GPR63: variants seen among roughly 807,000 people sequenced by gnomAD.
GPR63 encodes probable G protein-coupled receptor 63.
A neutral mutation model predicts 23.1 loss-of-function variants in GPR63; 12 were observed. The ratio of observed to expected loss-of-function variants is 0.52; its 90% CI spans 0.33 to 0.84. The LOEUF (loss-of-function observed/expected upper bound fraction) is 0.84, where lower values mean the gene tolerates loss of function less well. GPR63 is among the 40% of genes least tolerant of loss of function. The pLI is 0.02. For missense variants in GPR63, 472 were observed against 515.6 expected (o/e 0.92, Z 0.82); for synonymous variants, 172 against 191.1 (o/e 0.90, Z 0.82).
In GPR63 at chr6:96,799,347, A is replaced by C; in HGVS notation, c.385T>G (p.Leu129Val). ...AAGGGCATGTTCAGCACTGCAAGCAACATGTCTGCAAAAGCTAGGCTGGCA... is the reference window on the plus strand; with the variant it reads ...AAGGGCATGTTCAGCACTGCAAGCACCATGTCTGCAAAAGCTAGGCTGGCA... ...LLASLAFADM[L>V]LAVLNMPFAL... The change falls in exon 2 of 2, where the codon TTG (leucine) becomes GTG (valine). Residue 129 changes from leucine (L) to valine (V), a missense_variant. By Grantham distance (32) the Leu-to-Val change is conservative. Transcript: ENST00000229955. 7 of 1,614,214 alleles carry C rather than the reference A, an allele frequency of 4.3e-6. No homozygotes were observed. The highest frequency in any genetic ancestry group is 5.9e-6 in the Non-Finnish European group (7 of 1,180,016).
At chr6:96,831,965 C>A (rs1484119680) in intron 1 of GPR63, among the ~76,000 whole-genome samples, 1 of 151,474 alleles carries the variant, frequency 6.6e-6, no homozygotes, top group African/African-American at 2.4e-5. Flanking sequence ...GTAAGATAGT[C>A]ATTACTGTAC....
At position 96,794,806 on chromosome 6, in the gene GPR63, A is replaced by G. The variant is rs753622429; in HGVS notation, c.*3666T>C. ...TCAATTAAGTCACCCATTTTGCTCT[A>G]CTGTGAAGCTATATGCTTTATCAGA... On this transcript the variant is annotated 3_prime_UTR_variant, in exon 2 of 2. Transcript: ENST00000229955. The G allele has an allele frequency of 2.6e-5, 4 of 152,156 alleles. No individual in the cohort carries two copies. Among genetic ancestry groups the G allele is most frequent in the Non-Finnish European group, 5.9e-5 (4 of 68,024 alleles). 9.4% of individuals were successfully genotyped at this position (152,156 alleles called of 1,614,324 possible).
At position 96,797,384 on chromosome 6, in the gene GPR63, CTT is replaced by C. The variant is rs1773617234; in HGVS notation, c.*1086_*1087del. 1 of 152,162 alleles carries C rather than the reference CTT, an allele frequency of 6.6e-6. No individual in the cohort carries two copies. Among genetic ancestry groups the C allele is most frequent in the South Asian group, 2.1e-4 (1 of 4,836 alleles). 9.4% of individuals were successfully genotyped at this position (152,162 alleles called of 1,614,324 possible). Reference sequence around the variant, plus strand: ...AATTAAAGGATGCATAGAGTTCCCTCTTGACTATGTGACATCTAAACTGAATG... The same window carrying C: ...AATTAAAGGATGCATAGAGTTCCCTCGACTATGTGACATCTAAACTGAATG... On this transcript the variant is annotated 3_prime_UTR_variant, in exon 2 of 2. Coordinates refer to ENST00000229955, the MANE Select transcript of GPR63 (RefSeq NM_030784.4).
At position 96,798,595 on chromosome 6, in the gene GPR63, A is replaced by G. The variant is rs143805425; in HGVS notation, c.1137T>C (p.His379=). The stretch of plus-strand genomic sequence containing the variant: ...TAGGCATCATGTCCAGGCAAGCATC[A>G]TGGAATTTCTTAATCCTCCAGTAGT... ...LIYYWRIKKF[H]DACLDMMPKS... is the part of the protein sequence containing the mutation. Residue 379 remains histidine, a synonymous_variant, in exon 2 of 2, where the codon CAT becomes CAC. Coordinates refer to ENST00000229955, the MANE Select transcript of GPR63 (RefSeq NM_030784.4). The G allele has an allele frequency of 2.2e-3, 3,494 of 1,614,192 alleles. 13 individuals carry two copies. Among genetic ancestry groups the G allele is most frequent in the Non-Finnish European group, 2.1e-3 (2,496 of 1,180,032 alleles).
intron 1 of GPR63, among the ~76,000 whole-genome samples, chr6:96,807,799 T>C (rs1490061267): frequency 6.6e-6 from 1 of 152,206 alleles, no homozygotes; most frequent in Non-Finnish European, 1.5e-5. Context: ...TGTTAGGAAG[T>C]ATAATATCAA....
intron 1 of GPR63, among the ~76,000 whole-genome samples, chr6:96,819,324 G>A (rs1048659382): frequency 9.2e-5 from 14 of 152,180 alleles, no homozygotes; most frequent in African/African-American, 3.1e-4. Context: ...ATACACCATG[G>A]AATACTATGC....
At chr6:96,802,635 G>A (rs1414781268) in intron 1 of GPR63, among the ~76,000 whole-genome samples, 2 of 150,760 alleles carry the variant, frequency 1.3e-5, no homozygotes, top group African/African-American at 2.4e-5. Flanking sequence ...CACCTCCTGG[G>A]TTCACGTCAT....
intron 1 of GPR63, among the ~76,000 whole-genome samples, chr6:96,827,069 A>T (rs1774458666): frequency 6.6e-6 from 1 of 151,630 alleles, no homozygotes. Context: ...AAACCACAAA[A>T]ACCTCAAAAT....
intron 1 of GPR63, among the ~76,000 whole-genome samples, chr6:96,809,759 C>G: frequency 6.6e-6 from 1 of 152,152 alleles, no homozygotes; most frequent in South Asian, 2.1e-4. Flanking sequence ...GAAAAAATAT[C>G]TGGGTAATAG....
In GPR63 at chr6:96,798,554, A is replaced by G. The variant is rs780118277; in HGVS notation, c.1178T>C (p.Leu393Ser). 1 of 1,614,254 alleles carries G rather than the reference A, an allele frequency of 6.2e-7. No homozygotes were observed. Among genetic ancestry groups the G allele is most frequent in the South Asian group, 1.1e-5 (1 of 91,082 alleles). ...LDMMPKSFKF[L>S]PQLPGHTKRR... ...CTTTGTGTGACCAGGGAGCTGCGGCAAAAACTTGAAGGACTTAGGCATCAT... is the reference window on the plus strand; with the variant it reads ...CTTTGTGTGACCAGGGAGCTGCGGCGAAAACTTGAAGGACTTAGGCATCAT... Residue 393 changes from leucine (L) to serine (S), a missense_variant, in exon 2 of 2, where the codon TTG (leucine) becomes TCG (serine). Physicochemically the swap from Leu to Ser is moderately radical, Grantham distance 145 (BLOSUM62 -2). Coordinates refer to ENST00000229955, the MANE Select transcript of GPR63 (RefSeq NM_030784.4).
At chr6:96,833,989 A>T (rs1486153209) in intron 1 of GPR63, among the ~76,000 whole-genome samples, 3 of 152,074 alleles carry the variant, frequency 2.0e-5, no homozygotes, top group African/African-American at 7.2e-5. Flanking sequence ...TTAAAATCCA[A>T]CTTTTCTAAC....
chr6:96,799,236 TC>T lies in GPR63; in HGVS notation c.495del (p.Ile166Ter). 1 of 1,614,056 alleles carries T rather than the reference TC, an allele frequency of 6.2e-7. No individual in the cohort carries two copies. The highest frequency in any genetic ancestry group is 8.5e-7 in the Non-Finnish European group (1 of 1,180,012). ...RVSAMFFWLFVIEGVAILLII... is the reference protein window; with the variant it reads ...RVSAMFFWLFXIEGVAILLII... ...ATGAGCAGGATGGCTACTCCTTCTA[TC>T]ACAAATAACCAGAAAAACATAGCAG... On this transcript the variant is annotated frameshift_variant, in exon 2 of 2. Transcript: ENST00000229955. LOFTEE classifies it high-confidence loss of function.
In GPR63 at chr6:96,798,912, A is replaced by C; in HGVS notation, c.820T>G (p.Leu274Val). 4 of 1,614,218 alleles carry C rather than the reference A, an allele frequency of 2.5e-6. No homozygotes were observed. The highest frequency in any genetic ancestry group is 3.4e-6 in the Non-Finnish European group (4 of 1,180,046). The change falls in exon 2 of 2, where the codon TTG becomes GTG. Residue 274 changes from leucine (L) to valine (V), a missense_variant. Physicochemically the swap from Leu to Val is conservative, Grantham distance 32. Coordinates refer to ENST00000229955, the MANE Select transcript of GPR63 (RefSeq NM_030784.4). ...CCTTCAGGGTAGCTATGGATCCTCA[A>C]GGCATTGTGCCGAAGGGTGTTGAGT... Reference protein sequence around the residue: ...GILNTLRHNALRIHSYPEGIC... With the variant: ...GILNTLRHNAVRIHSYPEGIC...
intron 1 of GPR63, among the ~76,000 whole-genome samples, chr6:96,816,601 G>A (rs1182266236): frequency 6.6e-6 from 1 of 152,150 alleles, no homozygotes; most frequent in Non-Finnish European, 1.5e-5. Flanking sequence ...TCTGCAATTC[G>A]TGTTATTTTT....
At chr6:96,807,538 T>G (rs1773928053) in intron 1 of GPR63, among the ~76,000 whole-genome samples, 3 of 152,224 alleles carry the variant, frequency 2.0e-5, no homozygotes, top group African/African-American at 7.2e-5. Flanking sequence ...AATATCAATA[T>G]GTTTAGTATC....
intron 1 of GPR63, among the ~76,000 whole-genome samples, chr6:96,808,068 C>T (rs1373360439): frequency 6.6e-6 from 1 of 152,080 alleles, no homozygotes; most frequent in Non-Finnish European, 1.5e-5. Context: ...AAACATAATA[C>T]TTTGTTTTCT....
At chr6:96,804,809 G>T (rs1773855168) in intron 1 of GPR63, among the ~76,000 whole-genome samples, 1 of 151,904 alleles carries the variant, frequency 6.6e-6, no homozygotes, top group South Asian at 2.1e-4. Context: ...TCTTCCCTTT[G>T]TACTATCAAA....
At chr6:96,814,276 G>T (rs1774110028) in intron 1 of GPR63, among the ~76,000 whole-genome samples, 1 of 152,048 alleles carries the variant, frequency 6.6e-6, no homozygotes, top group Admixed American at 6.5e-5. Context: ...AGTAGAGCGA[G>T]GATTGGAACT....
rs1467701758 is a variant in GPR63 at position 96,799,403 on chromosome 6, G to A, written c.329C>T (p.Ala110Val). 4 of 1,614,042 alleles carry A rather than the reference G, an allele frequency of 2.5e-6. No homozygotes were observed. Among genetic ancestry groups the A allele is most frequent in the Admixed American group, 3.3e-5 (2 of 59,996 alleles). The change falls in exon 2 of 2, where the codon GCT becomes GTT. Residue 110 changes from alanine (A) to valine (V), a missense_variant. Ala to Val is a moderately conservative substitution (Grantham distance 64). Coordinates refer to ENST00000229955, the MANE Select transcript of GPR63 (RefSeq NM_030784.4). The part of the protein sequence containing the change: ...LVVCLMVYQK[A>V]AMRSAINILL... ...GATGTTAATTGCAGACCTCATGGCAGCTTTTTGGTAAACCATGAGGCAAAC... is the reference window on the plus strand; with the variant it reads ...GATGTTAATTGCAGACCTCATGGCAACTTTTTGGTAAACCATGAGGCAAAC...
Sources: gnomAD v4.1 joint callset for allele counts (sites outside exome capture counted in the v4.1 genomes callset) on GRCh38, gnomAD v4.1.1 for gene constraint, MANE v1.5 for transcripts, NCBI Gene and HGNC (gene_info 2026-07-23, HGNC 2026-07-21) for gene names.